The following KRAS variants were observed in gnomAD, a reference collection of about 807,000 sequenced individuals.
The protein encoded by KRAS is KRas proto-oncogene, GTPase.
In KRAS, 1 loss-of-function variant was observed where a neutral mutation model predicts 21.0. The observed-to-expected ratio is 0.05, with a 90% CI of 0.02 to 0.23. The LOEUF is 0.23. Ranked by LOEUF, KRAS falls within the 10% of genes least tolerant of loss-of-function variation. KRAS has a pLI of 1.00. For missense variants in KRAS, 107 were observed against 221.8 expected, an observed-to-expected ratio of 0.48 and a Z score of 3.29; for synonymous variants, 67 against 72.5, an observed-to-expected ratio of 0.92 and a Z score of 0.39.
At chr12:25,245,883 G>A (rs1181711576) in intron 1 of KRAS, among the ~76,000 whole-genome samples, 1 of 152,134 alleles carries the variant, frequency 6.6e-6, no homozygotes, top group Non-Finnish European at 1.5e-5. Flanking sequence ...AACAGCTACA[G>A]AAAAACTTTT....
intron 4 of KRAS, among the ~76,000 whole-genome samples, chr12:25,220,176 C>T (rs973280147): frequency 1.2e-4 from 18 of 152,124 alleles, no homozygotes; most frequent in African/African-American, 4.3e-4. Flanking sequence ...CAGCTTTTGC[C>T]AACATGGCCA....
chr12:25,228,846 G>C (rs1474909479), intron 2 of KRAS, among the ~76,000 whole-genome samples: 4 of 152,198 alleles, frequency 2.6e-5, no homozygotes, highest in Non-Finnish European at 5.9e-5. Context: ...GGATCATGAG[G>C]TCAGGAGATC....
chr12:25,244,244 A>T (rs1951648250), intron 2 of KRAS, among the ~76,000 whole-genome samples: 2 of 152,172 alleles, frequency 1.3e-5, no homozygotes, highest in African/African-American at 4.8e-5. Context: ...TTCAGAACTG[A>T]TTTTTTTAAA....
intron 2 of KRAS, chr12:25,233,973 C>T (rs749127906): frequency 1.0e-5 from 2 of 192,356 alleles, no homozygotes; most frequent in South Asian, 1.9e-4. Context: ...TGAATGTTCA[C>T]GACAAATGCC....
rs538732817 is a variant in KRAS, at chr12:25,245,217, T to C, written c.111+57A>G. The C allele has an allele frequency of 4.6e-5, 70 of 1,535,546 alleles. 2 individuals are homozygous for C. The Middle Eastern group carries it at 8.0e-4, about 17-fold the overall frequency. ...TCATGAAAATGGTCAGAGAAACCTT[T>C]ATCTGTATCAAAGAATGGTCCTGCA... On this transcript the variant is annotated intron_variant, in intron 2 of 4. Transcript: ENST00000311936.
chr12:25,215,575 A>G, intron 4 of KRAS: 1 of 1,603,692 alleles, frequency 6.2e-7, no homozygotes, highest in Admixed American at 1.7e-5. Flanking sequence ...ATTGTAAAAC[A>G]CAACTTCTTT....
intron 1 of KRAS, 79 bp downstream of exon 1, chr12:25,250,672 T>TC (rs1190147660): frequency 7.0e-6 from 1 of 141,846 alleles, no homozygotes; most frequent in Admixed American, 7.0e-5. Context: ...ATTCATTCAC[T>TC]CGCCGCCGGC....
chr12:25,234,169 T>C (rs1694853141), intron 2 of KRAS: 2 of 170,200 alleles, frequency 1.2e-5, no homozygotes. Context: ...TAATAAATTT[T>C]ACCTTCAATT....
chr12:25,228,879 T>C (rs2141513201), intron 2 of KRAS, among the ~76,000 whole-genome samples: 1 of 152,218 alleles, frequency 6.6e-6, no homozygotes, highest in East Asian at 1.9e-4. Flanking sequence ...GCCAACATGG[T>C]GAAACCCCAT....
At chr12:25,231,136 CT>C (rs1486892176) in intron 2 of KRAS, among the ~76,000 whole-genome samples, 1 of 110,578 alleles carries the variant, frequency 9.0e-6, no homozygotes, top group Non-Finnish European at 1.7e-5. Context: ...GAGTCTTGCT[CT>C]GTTGCCTAGG....
At chr12:25,248,889 T>C (rs1951724657) in intron 1 of KRAS, among the ~76,000 whole-genome samples, 1 of 152,228 alleles carries the variant, frequency 6.6e-6, no homozygotes. Flanking sequence ...AGTAAACTAT[T>C]GTTAGCAACC....
rs1137282 is a variant in KRAS, at chr12:25,209,843, A to G, written c.519T>C (p.Asp173=). Residue 173 remains aspartate (D), a synonymous_variant, in exon 5 of 5, where the codon GAT becomes GAC. Transcript: ENST00000311936. ...TTGACTTCTTTTTCTTCTTTTTACCATCTTTGCTCATCTTTTCTTTATGTT... is the reference window on the plus strand; with the variant it reads ...TTGACTTCTTTTTCTTCTTTTTACCGTCTTTGCTCATCTTTTCTTTATGTT... ...IRKHKEKMSK[D]GKKKKKKSKT... 331,554 of 1,609,518 alleles carry G rather than the reference A, an allele frequency of 0.21. 34,745 individuals carry two copies. Among genetic ancestry groups the G allele is most frequent in the Middle Eastern group, 0.24 (1,429 of 6,034 alleles).
rs894568946 is a variant in KRAS, at chr12:25,233,448, G to A, written c.112-6036C>T. Among the ~76,000 whole-genome samples, 3 of 152,076 alleles carry A rather than the reference G, an allele frequency of 2.0e-5. No individual in the cohort carries two copies. The South Asian group carries it at 6.2e-4, about 32-fold the overall frequency. On this transcript the variant is annotated intron_variant, in intron 2 of 4. Coordinates refer to ENST00000311936, the MANE Select transcript of KRAS (RefSeq NM_004985.5). Reference sequence around the variant, plus strand: ...GTGTACCTGTAGTCCCAGCTATTTGGGGAGCTCAGGTGGGAGGACTGCTTG... The same window carrying A: ...GTGTACCTGTAGTCCCAGCTATTTGAGGAGCTCAGGTGGGAGGACTGCTTG...
intron 2 of KRAS, among the ~76,000 whole-genome samples, chr12:25,239,958 C>CA (rs961741069): frequency 5.4e-4 from 72 of 133,086 alleles, no homozygotes; most frequent in African/African-American, 7.2e-4. Context: ...ATCTCAAAAA[C>CA]AAAAAAAAAA....
intron 4 of KRAS, among the ~76,000 whole-genome samples, chr12:25,217,859 A>G (rs1336207584): frequency 6.6e-6 from 1 of 152,214 alleles, no homozygotes; most frequent in Non-Finnish European, 1.5e-5. Context: ...GCACCACTGC[A>G]CTTCAGTCTG....
intron 1 of KRAS, among the ~76,000 whole-genome samples, chr12:25,248,524 A>G (rs1221134299): frequency 6.6e-6 from 1 of 152,048 alleles, no homozygotes; most frequent in African/African-American, 2.4e-5. Flanking sequence ...GTGGACAGAC[A>G]TTGGATTAGA....
chr12:25,229,927 C>A (rs1382069198), intron 2 of KRAS, among the ~76,000 whole-genome samples: 2 of 152,014 alleles, frequency 1.3e-5, no homozygotes, highest in African/African-American at 4.8e-5. Flanking sequence ...CGCCACCACG[C>A]CCGGCTAATT....
intron 1 of KRAS, among the ~76,000 whole-genome samples, chr12:25,248,098 C>T (rs544021932): frequency 5.3e-5 from 8 of 151,916 alleles, no homozygotes; most frequent in Non-Finnish European, 7.4e-5. Flanking sequence ...TGGCCTCAAG[C>T]GATCCTCCCG....
chr12:25,218,686 A>G (rs150388412), intron 4 of KRAS, among the ~76,000 whole-genome samples: 2 of 152,354 alleles, frequency 1.3e-5, no homozygotes, highest in African/African-American at 4.8e-5. Flanking sequence ...CCTTGTGTAC[A>G]CTGTAAACCA....
Sources: gnomAD v4.1 joint callset for allele counts (sites outside exome capture counted in the v4.1 genomes callset) on GRCh38, gnomAD v4.1.1 for gene constraint, MANE v1.5 for transcripts, NCBI Gene and HGNC (gene_info 2026-07-23, HGNC 2026-07-21) for gene names.